The following LRP1B variants were observed in gnomAD, a reference collection of about 807,000 sequenced individuals.
LRP1B encodes the protein low-density lipoprotein receptor-related protein 1B.
In LRP1B, 217 loss-of-function variants were observed where a neutral mutation model predicts 556.6. The ratio of observed to expected loss-of-function variants is 0.39; its 90% confidence interval spans 0.35 to 0.44. The LOEUF is 0.44. LRP1B is among the 20% of genes least tolerant of loss of function. LRP1B has a pLI of 1.00. For missense variants in LRP1B, 5,053 were observed against 5,620.8 expected, an observed-to-expected ratio of 0.90 and a Z score of 3.23; for synonymous variants, 2,047 against 1,865.8, an observed-to-expected ratio of 1.10 and a Z score of -2.50.
At position 141,965,633 on chromosome 2, in the gene LRP1B, T is replaced by G. The variant is rs1308056293; in HGVS notation, c.83-155232A>C. On this transcript the variant is annotated intron_variant, in intron 1 of 90. Coordinates refer to ENST00000389484, the MANE Select transcript of LRP1B (RefSeq NM_018557.3). ...AGGGGGGAGGGATAGCATTGGGAGA[T>G]ATACCTAATGCTAGATGACGAGTTA... Among the ~76,000 whole-genome samples, 273 of 122,216 alleles carry G rather than the reference T, an allele frequency of 2.2e-3. 1 individual carries two copies. Among genetic ancestry groups the G allele is most frequent in the African/African-American group, 7.9e-3 (254 of 32,330 alleles). The allele number at this position is 122,216 out of a possible 152,430, so 80.2% of individuals were successfully genotyped here. A position where few individuals can be genotyped will look rare whatever the true frequency, so the allele number is the denominator to read the frequency against.
intron 37 of LRP1B, among the ~76,000 whole-genome samples, chr2:140,704,400 G>A (rs1026481699): frequency 1.3e-5 from 2 of 151,864 alleles, no homozygotes; most frequent in South Asian, 2.1e-4. Flanking sequence ...AATGAGGTAT[G>A]GCTACAATCT....
chr2:140,881,397 CACATT>C (rs1431814926), intron 25 of LRP1B, among the ~76,000 whole-genome samples: 4 of 151,902 alleles, frequency 2.6e-5, no homozygotes, highest in African/African-American at 9.7e-5. Context: ...TTTTAATATT[CACATT>C]ACATTATTAA....
At chr2:141,441,207 G>C (rs1194613323) in intron 3 of LRP1B, among the ~76,000 whole-genome samples, 1 of 152,130 alleles carries the variant, frequency 6.6e-6, no homozygotes, top group African/African-American at 2.4e-5. Context: ...CTCCCAAGTA[G>C]CTGGGATTAC....
chr2:140,402,924 A>G (rs1242376978), intron 66 of LRP1B, among the ~76,000 whole-genome samples: 1 of 152,190 alleles, frequency 6.6e-6, no homozygotes, highest in Non-Finnish European at 1.5e-5. Context: ...GACCTCTGCC[A>G]TTACAACTCC....
intron 2 of LRP1B, among the ~76,000 whole-genome samples, chr2:141,515,499 A>G (rs1258843783): frequency 1.3e-5 from 2 of 152,170 alleles, no homozygotes; most frequent in African/African-American, 4.8e-5. Flanking sequence ...AACATTGGTA[A>G]TAAAATATCA....
chr2:141,654,516 C>G (rs1255326323), intron 2 of LRP1B, among the ~76,000 whole-genome samples: 6 of 152,082 alleles, frequency 3.9e-5, no homozygotes, highest in Admixed American at 3.9e-4. Context: ...GTCTGGCAAT[C>G]CTGAGAAATT....
chr2:141,815,508 G>A (rs1461534410), intron 1 of LRP1B, among the ~76,000 whole-genome samples: 1 of 151,748 alleles, frequency 6.6e-6, no homozygotes, highest in African/African-American at 2.4e-5. Context: ...TAGCTAGCAA[G>A]GGATTGTAAA....
rs544805087 is a variant in LRP1B at position 140,565,774 on chromosome 2, T to C, written c.7195-23803A>G. On this transcript the variant is annotated intron_variant, in intron 43 of 90. Coordinates refer to ENST00000389484, the MANE Select transcript of LRP1B (RefSeq NM_018557.3). ...AGCTCAGGATAGCCACACAGAAAACTGAAAGAAACACCTGGCCCTCACCAC... is the reference window on the plus strand; with the variant it reads ...AGCTCAGGATAGCCACACAGAAAACCGAAAGAAACACCTGGCCCTCACCAC... 1.7e-3 allele frequency among the ~76,000 whole-genome samples: 263 copies of C among 152,120 alleles called. 3 individuals carry two copies. Among genetic ancestry groups the C allele is most frequent in the Admixed American group, 3.9e-3 (59 of 15,280 alleles).
intron 1 of LRP1B, among the ~76,000 whole-genome samples, chr2:142,073,009 G>T (rs1325422658): frequency 6.6e-6 from 1 of 151,982 alleles, no homozygotes; most frequent in Non-Finnish European, 1.5e-5. Context: ...TGCAGATAAG[G>T]ATAATGTTAA....
intron 41 of LRP1B, among the ~76,000 whole-genome samples, chr2:140,680,871 C>A (rs1211443797): frequency 6.6e-6 from 1 of 152,164 alleles, no homozygotes; most frequent in African/African-American, 2.4e-5. Context: ...ATTTGTATAT[C>A]TTTAAATATG....
intron 2 of LRP1B, among the ~76,000 whole-genome samples, chr2:141,507,288 A>T (rs932033050): frequency 3.3e-5 from 5 of 152,168 alleles, no homozygotes; most frequent in Non-Finnish European, 7.4e-5. Flanking sequence ...ACTAACCCAG[A>T]TTTTTGTTGT....
At chr2:140,908,114 T>C (rs774865046) in intron 21 of LRP1B, 37 bp from the exon 22 acceptor site, 1 of 1,542,190 alleles carries the variant, frequency 6.5e-7, no homozygotes, top group Non-Finnish European at 9.0e-7. Flanking sequence ...TTGATTTTTG[T>C]GATTAGGTCA....
chr2:141,731,388 G>A (rs1693269188), intron 2 of LRP1B, among the ~76,000 whole-genome samples: 1 of 152,084 alleles, frequency 6.6e-6, no homozygotes, highest in Non-Finnish European at 1.5e-5. Context: ...AATCTCCTAT[G>A]TCCTCCGTGG....
chr2:140,752,931 C>G (rs1174418664), intron 35 of LRP1B, among the ~76,000 whole-genome samples: 1 of 152,118 alleles, frequency 6.6e-6, no homozygotes, highest in Non-Finnish European at 1.5e-5. Flanking sequence ...TGGTGTTGTA[C>G]ATTCTTTGTG....
rs141276335 is a variant in LRP1B at position 141,503,672 on chromosome 2, T to A, written c.206-23139A>T. On this transcript the variant is annotated intron_variant, in intron 2 of 90. Coordinates refer to ENST00000389484, the MANE Select transcript of LRP1B (RefSeq NM_018557.3). Reference sequence around the variant, plus strand: ...CTCATGCTTCTTCTAAAATATCACATCCTGGAACTCATTAACATCATAATA... The same window carrying A: ...CTCATGCTTCTTCTAAAATATCACAACCTGGAACTCATTAACATCATAATA... Among the ~76,000 whole-genome samples, 7 of 152,178 alleles carry A rather than the reference T, an allele frequency of 4.6e-5. No homozygotes were observed. In the East Asian group the frequency reaches 1.4e-3, roughly 29 times the overall value.
At chr2:141,541,836 G>C (rs1685272172) in intron 2 of LRP1B, among the ~76,000 whole-genome samples, 1 of 152,010 alleles carries the variant, frequency 6.6e-6, no homozygotes, top group East Asian at 1.9e-4. Context: ...TTTTTAATGT[G>C]TTTTAAAGCA....
At chr2:141,533,335 G>C (rs969897908) in intron 2 of LRP1B, among the ~76,000 whole-genome samples, 1 of 105,182 alleles carries the variant, frequency 9.5e-6, no homozygotes, top group Non-Finnish European at 2.4e-5. Flanking sequence ...AATTTTTATA[G>C]AGAGAAAGCA....
At chr2:140,506,996 T>C (rs911976495) in intron 52 of LRP1B, 78 bp from the exon 53 acceptor site, 1 of 1,397,102 alleles carries the variant, frequency 7.2e-7, no homozygotes, top group South Asian at 1.4e-5. Context: ...TTGGGGAATA[T>C]ATAAAATCAT....
At chr2:140,693,899 G>A (rs557329982) in intron 41 of LRP1B, among the ~76,000 whole-genome samples, 1 of 152,160 alleles carries the variant, frequency 6.6e-6, no homozygotes, top group East Asian at 1.9e-4. Context: ...GTAAAGACAG[G>A]GTTTTGCCAT....
Sources: allele counts gnomAD v4.1 joint callset (sites outside exome capture counted in the v4.1 genomes callset), GRCh38; gene constraint gnomAD v4.1.1; transcripts MANE v1.5; gene names NCBI Gene and HGNC (gene_info 2026-07-23, HGNC 2026-07-21).